ZNF33A: variants seen among roughly 807,000 people sequenced by gnomAD.
The protein encoded by ZNF33A is brain my041 protein.
Under a neutral mutation model 15.9 loss-of-function variants are expected in ZNF33A, and 9 were observed. That is an observed-to-expected ratio of 0.57 (90% CI 0.34 to 0.99). The LOEUF is 0.99. Ranked by LOEUF, ZNF33A falls within the 50% of genes least tolerant of loss-of-function variation. The pLI is 0.02. For synonymous variants in ZNF33A, 294 were observed against 324.2 expected, an observed-to-expected ratio of 0.91 and a Z score of 1.00; for missense variants, 843 against 941.6, an observed-to-expected ratio of 0.90 and a Z score of 1.37.
At chr10:38,012,123 C>G (rs2064212953) in intron 1 of ZNF33A, among the ~76,000 whole-genome samples, 175 bp from the exon 2 acceptor site, 1 of 152,128 alleles carries the variant, frequency 6.6e-6, no homozygotes, top group African/African-American at 2.4e-5. Context: ...CCGCCTATTC[C>G]GAAGTGTTCT....
chr10:38,043,509 T>A (rs28408490), intron 4 of ZNF33A, among the ~76,000 whole-genome samples: 5 of 149,442 alleles, frequency 3.3e-5, no homozygotes, highest in African/African-American at 4.9e-5. Flanking sequence ...ATAATAAAAT[T>A]AAAAAAAAAA....
At chr10:38,052,060 A>G (rs571924174) in intron 4 of ZNF33A, among the ~76,000 whole-genome samples, 1 of 152,262 alleles carries the variant, frequency 6.6e-6, no homozygotes, top group East Asian at 1.9e-4. Context: ...TCTTTCCAAT[A>G]TCAGGAACAT....
At chr10:38,019,591 A>C (rs1457437247) in intron 4 of ZNF33A, among the ~76,000 whole-genome samples, 1 of 152,222 alleles carries the variant, frequency 6.6e-6, no homozygotes, top group African/African-American at 2.4e-5. Context: ...TGTTTTCTCA[A>C]GTACTGAGAG....
At chr10:38,010,635 C>T (rs766964117), upstream of ZNF33A, 6 of 1,405,556 alleles carry the variant, frequency 4.3e-6, no homozygotes, top group South Asian at 6.9e-5. Context: ...AAGCTGTGCG[C>T]GTGGGCTCTG....
chr10:38,054,813 A>T lies in ZNF33A; in HGVS notation c.689A>T (p.Glu230Val). The T allele has an allele frequency of 6.2e-7, 1 of 1,613,560 alleles. No individual in the cohort carries two copies. The highest frequency in any genetic ancestry group is 8.5e-7 in the Non-Finnish European group (1 of 1,179,972). The change falls in exon 5 of 5, where the codon GAA becomes GTA. Residue 230 changes from glutamate to valine, a missense_variant. Physicochemically the swap from Glu to Val is moderately radical, Grantham distance 121. Coordinates refer to ENST00000432900, the MANE Select transcript of ZNF33A (RefSeq NM_006954.2). ...AGTATATGTCAGGAAACCCTCCTTG[A>T]AAAGGCAGTATTCAATACACAGAAG... is the stretch of plus-strand genomic sequence containing the variant. ...EYSICQETLL[E>V]KAVFNTQKRE...
In ZNF33A at chr10:38,010,708, T is replaced by C. The variant is rs2064125461; in HGVS notation, c.-120T>C. 6.3e-7 allele frequency: 1 copy of C among 1,598,372 alleles called. No homozygotes were observed. Among genetic ancestry groups the C allele is most frequent in the Non-Finnish European group, 8.5e-7 (1 of 1,179,760 alleles). On this transcript the variant is annotated 5_prime_UTR_variant, in exon 1 of 5. Coordinates refer to ENST00000432900, the MANE Select transcript of ZNF33A (RefSeq NM_006954.2). The stretch of plus-strand genomic sequence containing the variant: ...CTTTCCTTTTGTTTTTCTCAGGTTT[T>C]GCGTGGGAGGCGGTCCCGGGATTTC...
chr10:38,038,281 T>C (rs557822390), intron 4 of ZNF33A, among the ~76,000 whole-genome samples: 1 of 152,230 alleles, frequency 6.6e-6, no homozygotes, highest in African/African-American at 2.4e-5. Context: ...TTTGTATTTT[T>C]AGTATAGATG....
At position 38,057,025 on chromosome 10, in the gene ZNF33A, C is replaced by T. The variant is rs1458876529; in HGVS notation, c.*465C>T. ...ACTTCCTCTAAGGATAATGTATAAT[C>T]ATAGTATATGGTCAAGTCCAAGAAA... On this transcript the variant is annotated 3_prime_UTR_variant, in exon 5 of 5. Transcript: ENST00000432900. The T allele has an allele frequency of 2.8e-6, 2 of 720,594 alleles. No homozygotes were observed. The highest frequency in any genetic ancestry group is 3.4e-6 in the Non-Finnish European group (2 of 586,774). The allele number at this position is 720,594 out of a possible 1,614,324, so 44.6% of individuals were successfully genotyped here.
At chr10:38,023,812 T>C (rs1318789810) in intron 4 of ZNF33A, among the ~76,000 whole-genome samples, 1 of 152,116 alleles carries the variant, frequency 6.6e-6, no homozygotes, top group African/African-American at 2.4e-5. Context: ...AAATAAAACT[T>C]TATATTTACA....
At chr10:38,063,514 C>G (rs1211771403), downstream of ZNF33A, among the ~76,000 whole-genome samples, 1 of 145,244 alleles carries the variant, frequency 6.9e-6, no homozygotes, top group Non-Finnish European at 1.5e-5. Context: ...CTGCTTTGTT[C>G]AGTGATTTCA....
chr10:38,047,019 A>G (rs2472159), intron 4 of ZNF33A, among the ~76,000 whole-genome samples: 32,836 of 151,496 alleles, frequency 0.22, 3,745 homozygotes, highest in East Asian at 0.4. Flanking sequence ...CAAAAATGCA[A>G]CAGCAAAAAA....
chr10:38,024,176 A>AAAG (rs1224293884), intron 4 of ZNF33A, among the ~76,000 whole-genome samples: 45 of 85,984 alleles, frequency 5.2e-4, no homozygotes, highest in South Asian at 1.5e-3. Flanking sequence ...AAAAAAAAAA[A>AAAG]AAAAAGAAAA....
chr10:38,046,866 T>C (rs1434862988), intron 4 of ZNF33A, among the ~76,000 whole-genome samples: 1 of 152,116 alleles, frequency 6.6e-6, no homozygotes, highest in Non-Finnish European at 1.5e-5. Context: ...ATGAATACTA[T>C]AATGCTTGAC....
Position 38,057,333 on chromosome 10 carries a change from G to T in ZNF33A, c.*773G>T. 1 of 985,344 alleles carries T rather than the reference G, an allele frequency of 1.0e-6. No individual in the cohort carries two copies. 61.0% of individuals were successfully genotyped at this position (985,344 alleles called of 1,614,324 possible). ...CTATCCCTTGCATCCACTTGACTAT[G>T]AAGTTTTTTTAAAGCACAGATAAAT... is the stretch of plus-strand genomic sequence containing the variant. On this transcript the variant is annotated 3_prime_UTR_variant, in exon 5 of 5. Transcript: ENST00000432900.
At chr10:38,030,718 C>T (rs1193397854) in intron 4 of ZNF33A, among the ~76,000 whole-genome samples, 3 of 151,994 alleles carry the variant, frequency 2.0e-5, no homozygotes, top group South Asian at 2.1e-4. Context: ...GTGGGGTAAG[C>T]GCACACAAAA....
intron 4 of ZNF33A, among the ~76,000 whole-genome samples, chr10:38,043,400 TGAC>T (rs2065799616): frequency 6.6e-6 from 1 of 151,082 alleles, no homozygotes; most frequent in Admixed American, 6.6e-5. Flanking sequence ...TAATGCTAAA[TGAC>T]GAGTTAATGG....
downstream of ZNF33A, among the ~76,000 whole-genome samples, chr10:38,062,785 C>T (rs2066669842): frequency 6.6e-6 from 1 of 151,868 alleles, no homozygotes; most frequent in Non-Finnish European, 1.5e-5. Context: ...GGGCGGATCA[C>T]GAGGTCAGGA....
At chr10:38,061,054 A>G (rs1212008404), downstream of ZNF33A, among the ~76,000 whole-genome samples, 3 of 152,106 alleles carry the variant, frequency 2.0e-5, no homozygotes, top group Non-Finnish European at 2.9e-5. Flanking sequence ...ACTGATCAGC[A>G]TTTGAGCCCC....
intron 4 of ZNF33A, among the ~76,000 whole-genome samples, chr10:38,034,817 A>G (rs1441811151): frequency 2.0e-5 from 3 of 152,168 alleles, no homozygotes; most frequent in African/African-American, 7.2e-5. Context: ...CTTTTATTTG[A>G]AAATGGTATT....
Sources: gnomAD v4.1 joint callset for allele counts (sites outside exome capture counted in the v4.1 genomes callset) on GRCh38, gnomAD v4.1.1 for gene constraint, MANE v1.5 for transcripts, NCBI Gene and HGNC (gene_info 2026-07-23, HGNC 2026-07-21) for gene names.